The following TMEM126A variants were observed in gnomAD, a reference collection of about 807,000 sequenced individuals.
The protein encoded by TMEM126A is optic atrophy 7.
In TMEM126A, 10 loss-of-function variants were observed where a neutral mutation model predicts 18.3. The observed-to-expected ratio is 0.55, with a 90% CI of 0.34 to 0.93. The LOEUF (loss-of-function observed/expected upper bound fraction) is 0.93, where lower values mean the gene tolerates loss of function less well. Ranked by LOEUF, TMEM126A falls within the 40% of genes least tolerant of loss-of-function variation. The pLI is 0.02. For missense variants in TMEM126A, 246 were observed against 230.2 expected (o/e 1.07, Z -0.44); for synonymous variants, 68 against 78.1 (o/e 0.87, Z 0.68).
intron 2 of TMEM126A, among the ~76,000 whole-genome samples, chr11:85,651,247 C>G (rs1230067098): frequency 6.6e-6 from 1 of 152,104 alleles, no homozygotes; most frequent in African/African-American, 2.4e-5. Context: ...GAGAGAGGGA[C>G]AGTGTCTTAA....
chr11:85,654,002 A>G, intron 2 of TMEM126A, 61 bp from the exon 3 acceptor site: 2 of 1,578,962 alleles, frequency 1.3e-6, no homozygotes, highest in Non-Finnish European at 1.7e-6. Flanking sequence ...ACATGTCAAG[A>G]TCGGGAAAGC....
At chr11:85,651,128 A>G (rs893726782) in intron 2 of TMEM126A, among the ~76,000 whole-genome samples, 2 of 152,026 alleles carry the variant, frequency 1.3e-5, no homozygotes, top group Non-Finnish European at 2.9e-5. Context: ...GGAACATACT[A>G]ATCTTTGCCA....
rs1446801258 is a variant in TMEM126A at position 85,650,313 on chromosome 11, A to C, written c.58A>C (p.Lys20Gln). ...ENITIVDISRKINQLPEAERN... is the reference protein window; with the variant it reads ...ENITIVDISRQINQLPEAERN... Reference sequence around the variant, plus strand: ...CATAACAATTGTTGATATATCCAGAAAAATTAACCAGCTTCCAGAAGCAGA... The same window carrying C: ...CATAACAATTGTTGATATATCCAGACAAATTAACCAGCTTCCAGAAGCAGA... Residue 20 changes from lysine to glutamine, a missense_variant, in exon 2 of 5, where the codon AAA becomes CAA. Coordinates refer to ENST00000304511, the MANE Select transcript of TMEM126A (RefSeq NM_032273.4). 1 of 1,608,664 alleles carries C rather than the reference A, an allele frequency of 6.2e-7. No homozygotes were observed. Among genetic ancestry groups the C allele is most frequent in the South Asian group, 1.1e-5 (1 of 90,766 alleles).
In TMEM126A at chr11:85,656,296, T is replaced by C; in HGVS notation, c.396-13T>C. 1 of 1,608,732 alleles carries C rather than the reference T, an allele frequency of 6.2e-7. No homozygotes were observed. Among genetic ancestry groups the C allele is most frequent in the Non-Finnish European group, 8.5e-7 (1 of 1,177,932 alleles). On this transcript the variant is annotated splice_polypyrimidine_tract_variant and intron_variant, in intron 4 of 4. Transcript: ENST00000304511. ...AATCTTTTCTATTGAACTATCTCAA[T>C]GTTTTCTTACAGGTATCAATCAGCT...
intron 1 of TMEM126A, 21 bp from the exon 2 acceptor site, chr11:85,650,227 TG>T (rs756262383): frequency 1.2e-5 from 17 of 1,421,588 alleles, no homozygotes; most frequent in Non-Finnish European, 1.7e-5. Flanking sequence ...TCTTGAGAAA[TG>T]ATATCTTCAT....
intron 3 of TMEM126A, among the ~76,000 whole-genome samples, chr11:85,654,684 C>T (rs1035451302): frequency 2.6e-5 from 4 of 152,250 alleles, no homozygotes. Flanking sequence ...AACTCCTGAC[C>T]TCAGGTGATC....
chr11:85,653,529 A>G (rs944318274), intron 2 of TMEM126A, among the ~76,000 whole-genome samples: 29 of 152,234 alleles, frequency 1.9e-4, no homozygotes, highest in Admixed American at 6.5e-5. Context: ...AAAAGTTCAT[A>G]CATAACCTGG....
Position 85,654,043 on chromosome 11 carries a change from C to T in TMEM126A, c.87-20C>T. 6.2e-7 allele frequency: 1 copy of T among 1,613,652 alleles called. No homozygotes were observed. Among genetic ancestry groups the T allele is most frequent in the Non-Finnish European group, 8.5e-7 (1 of 1,179,610 alleles). On this transcript the variant is annotated intron_variant, in intron 2 of 4. Coordinates refer to ENST00000304511, the MANE Select transcript of TMEM126A (RefSeq NM_032273.4). Reference sequence around the variant, plus strand: ...CACACAATAATGCCAAAGAAAAGTTCTTTCTTCTCACCCTTTCAGGAATCT... The same window carrying T: ...CACACAATAATGCCAAAGAAAAGTTTTTTCTTCTCACCCTTTCAGGAATCT...
intron 1 of TMEM126A, among the ~76,000 whole-genome samples, chr11:85,648,453 C>A (rs758438153): frequency 8.5e-5 from 13 of 152,184 alleles, no homozygotes; most frequent in Non-Finnish European, 1.3e-4. Flanking sequence ...ACACAAAAAT[C>A]TTTCGAAATA....
At chr11:85,650,387 T>G (rs1258242501) in intron 2 of TMEM126A, 46 bp downstream of exon 2, 1 of 1,312,370 alleles carries the variant, frequency 7.6e-7, no homozygotes. Context: ...CAGGTGGATT[T>G]TCACCATTGA....
At chr11:85,654,357 C>T in intron 3 of TMEM126A, 101 bp downstream of exon 3, 1 of 1,165,544 alleles carries the variant, frequency 8.6e-7, no homozygotes, top group Non-Finnish European at 1.3e-6. Context: ...TGCTGTAATG[C>T]AGTTAAGATT....
chr11:85,655,987 A>T (rs945518144), intron 4 of TMEM126A, among the ~76,000 whole-genome samples: 18 of 152,324 alleles, frequency 1.2e-4, no homozygotes, highest in African/African-American at 4.1e-4. Context: ...AACTTCTATC[A>T]TATAAACAAT....
Position 85,655,590 on chromosome 11 carries a change from C to T in TMEM126A, c.281-4C>T, listed in dbSNP as rs755909720. 1.9e-6 allele frequency: 3 copies of T among 1,604,266 alleles called. No homozygotes were observed. Among genetic ancestry groups the T allele is most frequent in the East Asian group, 2.2e-5 (1 of 44,732 alleles). ...TTCATTTCTATGACTAATTTATTTC[C>T]TAGGTGATTTGGATTGTGAAACCTG... On this transcript the variant is annotated splice_region_variant and splice_polypyrimidine_tract_variant and intron_variant, in intron 3 of 4. Coordinates refer to ENST00000304511, the MANE Select transcript of TMEM126A (RefSeq NM_032273.4).
chr11:85,653,352 G>C (rs889826518), intron 2 of TMEM126A, among the ~76,000 whole-genome samples: 1 of 152,154 alleles, frequency 6.6e-6, no homozygotes, highest in Non-Finnish European at 1.5e-5. Context: ...GGCTACTTTG[G>C]CTAGTTAAGA....
At chr11:85,654,327 A>ATTAAT in intron 3 of TMEM126A, 71 bp downstream of exon 3, 1 of 1,417,572 alleles carries the variant, frequency 7.1e-7, no homozygotes, top group Non-Finnish European at 9.9e-7. Context: ...GTCCATACTT[A>ATTAAT]TTAATATCAA....
chr11:85,650,193 G>A, intron 1 of TMEM126A, 56 bp from the exon 2 acceptor site: 2 of 1,154,404 alleles, frequency 1.7e-6, no homozygotes, highest in Middle Eastern at 2.9e-4. Context: ...TCTTCAGAAG[G>A]TTTTTAAAAT....
chr11:85,654,785 A>T (rs2082525677), intron 3 of TMEM126A, among the ~76,000 whole-genome samples: 1 of 151,822 alleles, frequency 6.6e-6, no homozygotes, highest in Non-Finnish European at 1.5e-5. Context: ...TCTTTCTCAC[A>T]GTGCTCATTT....
intron 1 of TMEM126A, among the ~76,000 whole-genome samples, chr11:85,648,631 A>T (rs2082477954): frequency 6.6e-6 from 1 of 152,178 alleles, no homozygotes. Context: ...TCACCACCCC[A>T]TACACAAAAT....
rs1425355042 is a variant in TMEM126A at position 85,647,979 on chromosome 11, G to C, written c.-118G>C. On this transcript the variant is annotated 5_prime_UTR_variant, in exon 1 of 5. Transcript: ENST00000304511. The stretch of plus-strand genomic sequence containing the variant: ...CCGGCGCCCGCCCACGCCGCGTCAC[G>C]AGTCAGCCAAAGATGGCTGCGCCCA... The C allele has an allele frequency of 6.6e-6, 1 of 152,416 alleles. No individual in the cohort carries two copies. Among genetic ancestry groups the C allele is most frequent in the Non-Finnish European group, 1.5e-5 (1 of 68,188 alleles). The allele number at this position is 152,416 out of a possible 1,614,324, so 9.4% of individuals were successfully genotyped here. A position where few individuals can be genotyped will look rare whatever the true frequency, so the allele number is the denominator to read the frequency against.
Sources: gnomAD v4.1 joint callset for allele counts (sites outside exome capture counted in the v4.1 genomes callset) on GRCh38, gnomAD v4.1.1 for gene constraint, MANE v1.5 for transcripts, NCBI Gene and HGNC (gene_info 2026-07-23, HGNC 2026-07-21) for gene names.